GLT8D2: variants seen among roughly 807,000 people sequenced by gnomAD.
GLT8D2 encodes glycosyltransferase 8 domain-containing protein 2.
GLT8D2 carries 45 observed loss-of-function variants against 44.5 expected under a neutral mutation model. The observed-to-expected ratio is 1.01, with a 90% confidence interval of 0.80 to 1.30. GLT8D2 has a LOEUF of 1.30. GLT8D2 is among the 50% of genes most tolerant of loss of function. The pLI is 0.00. For synonymous variants in GLT8D2, 156 were observed against 157.2 expected (o/e 0.99, Z 0.06); for missense variants, 400 against 430.4 (o/e 0.93, Z 0.62).
intron 1 of GLT8D2, among the ~76,000 whole-genome samples, chr12:104,032,466 C>CAAAAAAAAAAAA (rs547392677): frequency 1.4e-3 from 81 of 59,656 alleles, no homozygotes; most frequent in African/African-American, 4.7e-3. Flanking sequence ...TGTGCAATAG[C>CAAAAAAAAAAAA]AAAAAAAAAA....
At chr12:104,036,218 A>G (rs1879914006) in intron 1 of GLT8D2, among the ~76,000 whole-genome samples, 1 of 152,240 alleles carries the variant, frequency 6.6e-6, no homozygotes, top group African/African-American at 2.4e-5. Flanking sequence ...GCCAAATTGT[A>G]AAGACCATCG....
At chr12:104,019,335 C>T (rs1877327192) in intron 3 of GLT8D2, among the ~76,000 whole-genome samples, 1 of 151,896 alleles carries the variant, frequency 6.6e-6, no homozygotes, top group Non-Finnish European at 1.5e-5. Context: ...TCCATGTTAC[C>T]CAGGCTGGTC....
upstream of GLT8D2, among the ~76,000 whole-genome samples, chr12:104,053,415 A>T (rs1881887314): frequency 6.6e-6 from 1 of 152,224 alleles, no homozygotes; most frequent in Non-Finnish European, 1.5e-5. Context: ...ATGACACCAG[A>T]GTGGCCTTTG....
At chr12:104,004,331 GC>G (rs1874670604) in intron 4 of GLT8D2, among the ~76,000 whole-genome samples, 1 of 152,118 alleles carries the variant, frequency 6.6e-6, no homozygotes, top group Admixed American at 6.5e-5. Context: ...AGACAGGGAT[GC>G]CCTCTCTCAC....
At chr12:104,031,566 C>A (rs1879260943) in intron 1 of GLT8D2, 3 of 1,610,608 alleles carry the variant, frequency 1.9e-6, no homozygotes, top group South Asian at 2.2e-5. Flanking sequence ...AAGATACTGT[C>A]CCCAGGAGCA....
intron 1 of GLT8D2, among the ~76,000 whole-genome samples, chr12:104,049,133 A>G (rs1881466709): frequency 6.6e-6 from 1 of 152,176 alleles, no homozygotes; most frequent in African/African-American, 2.4e-5. Flanking sequence ...AAACCAACCA[A>G]TATCACTTTG....
intron 1 of GLT8D2, among the ~76,000 whole-genome samples, chr12:104,043,250 C>A (rs748900584): frequency 6.6e-6 from 1 of 152,158 alleles, no homozygotes; most frequent in Non-Finnish European, 1.5e-5. Context: ...CCTTAGGAGA[C>A]TTCATCCTGA....
chr12:104,030,602 C>T (rs1304078902), intron 1 of GLT8D2, among the ~76,000 whole-genome samples: 2 of 152,008 alleles, frequency 1.3e-5, no homozygotes, highest in Admixed American at 1.3e-4. Context: ...AAAAAAGCAA[C>T]CTGTGGAATG....
At chr12:104,033,811 T>C (rs917687655) in intron 1 of GLT8D2, among the ~76,000 whole-genome samples, 3 of 148,706 alleles carry the variant, frequency 2.0e-5, no homozygotes, top group Non-Finnish European at 3.0e-5. Flanking sequence ...TGTGTGTATA[T>C]ATATATATAT....
intron 1 of GLT8D2, among the ~76,000 whole-genome samples, chr12:104,061,969 C>T (rs149402192): frequency 0.057 from 7,621 of 132,926 alleles, 322 homozygotes; most frequent in Admixed American, 0.099. Context: ...AAGAGCAAAA[C>T]TCCATCTCAA....
intron 5 of GLT8D2, 152 bp from the exon 6 acceptor site, chr12:103,999,666 T>A (rs1873950140): frequency 1.0e-5 from 6 of 596,896 alleles, no homozygotes; most frequent in Middle Eastern, 4.6e-4. Flanking sequence ...TCCCTCTGAC[T>A]TTTCTCCCCA....
chr12:104,021,948 GAAGAA>G (rs1566202525), intron 1 of GLT8D2, among the ~76,000 whole-genome samples: 3 of 19,618 alleles, frequency 1.5e-4, no homozygotes, highest in Non-Finnish European at 2.0e-4. Flanking sequence ...AGAAGAAGAA[GAAGAA>G]GAGGAAGAAG....
chr12:104,030,518 A>G (rs998507461), intron 1 of GLT8D2, among the ~76,000 whole-genome samples: 1 of 152,120 alleles, frequency 6.6e-6, no homozygotes, highest in African/African-American at 2.4e-5. Context: ...CACAGTTAAC[A>G]AAAACAAAAA....
chr12:104,010,797 T>C lies in GLT8D2; in HGVS notation c.112+4216A>G, dbSNP rs543051323. On this transcript the variant is annotated intron_variant, in intron 4 of 10. Transcript: ENST00000360814. ...AGTCTGGCACTTTGGAAGTGCTTAATGAAAGTTTGCTGGAATGAACTAAAT... is the reference window on the plus strand; with the variant it reads ...AGTCTGGCACTTTGGAAGTGCTTAACGAAAGTTTGCTGGAATGAACTAAAT... Among the ~76,000 whole-genome samples, 112 of 152,326 alleles carry C rather than the reference T, an allele frequency of 7.4e-4. 1 individual carries two copies. Among genetic ancestry groups the C allele is most frequent in the African/African-American group, 2.6e-3 (110 of 41,574 alleles).
At chr12:104,027,277 T>C (rs1878695675) in intron 1 of GLT8D2, among the ~76,000 whole-genome samples, 1 of 152,262 alleles carries the variant, frequency 6.6e-6, no homozygotes, top group South Asian at 2.1e-4. Flanking sequence ...TTTTATCCAT[T>C]TAGGATTTTA....
intron 1 of GLT8D2, among the ~76,000 whole-genome samples, chr12:104,060,203 C>T (rs1442204540): frequency 6.6e-6 from 1 of 152,164 alleles, no homozygotes; most frequent in Non-Finnish European, 1.5e-5. Flanking sequence ...CTTTTAACTT[C>T]TCTGGCTACC....
intron 1 of GLT8D2, among the ~76,000 whole-genome samples, chr12:104,021,881 A>G (rs1204770967): frequency 4.0e-4 from 3 of 7,478 alleles, no homozygotes; most frequent in Admixed American, 3.7e-3. Context: ...AAGAAGAAGA[A>G]GAAGAAGAAG....
intron 4 of GLT8D2, among the ~76,000 whole-genome samples, chr12:104,007,582 C>T (rs185566171): frequency 3.9e-5 from 6 of 152,230 alleles, no homozygotes; most frequent in South Asian, 2.1e-4. Context: ...GAAAAGAATA[C>T]AAAATTCTCT....
intron 1 of GLT8D2, among the ~76,000 whole-genome samples, chr12:104,029,137 A>T (rs952841369): frequency 6.6e-6 from 1 of 152,092 alleles, no homozygotes; most frequent in Non-Finnish European, 1.5e-5. Flanking sequence ...TAAAAACACA[A>T]AAATTAGCTG....
Sources: gnomAD v4.1 joint callset for allele counts (sites outside exome capture counted in the v4.1 genomes callset) on GRCh38, gnomAD v4.1.1 for gene constraint, MANE v1.5 for transcripts, NCBI Gene and HGNC (gene_info 2026-07-23, HGNC 2026-07-21) for gene names.